Variants in ATP9B observed in about 807,000 individuals in gnomAD.
ATP9B encodes the protein probable phospholipid-transporting ATPase IIB.
In ATP9B, 110 loss-of-function variants were observed where a neutral mutation model predicts 146.1. The ratio of observed to expected loss-of-function variants is 0.75; its 90% CI spans 0.65 to 0.88. The LOEUF is 0.88. Ranked by LOEUF, ATP9B falls within the 40% of genes least tolerant of loss-of-function variation. ATP9B has a pLI of 0.00. For missense variants in ATP9B, 1,499 were observed against 1,496.4 expected (o/e 1.00, Z -0.03); for synonymous variants, 604 against 569.7 (o/e 1.06, Z -0.86).
At chr18:79,273,740 A>G (rs2145648649) in intron 12 of ATP9B, among the ~76,000 whole-genome samples, 1 of 152,326 alleles carries the variant, frequency 6.6e-6, no homozygotes, top group East Asian at 1.9e-4. Flanking sequence ...TATTTTAGGA[A>G]AACGCACTTC....
chr18:79,203,105 G>A (rs984351635), intron 9 of ATP9B, among the ~76,000 whole-genome samples: 1 of 152,204 alleles, frequency 6.6e-6, no homozygotes, highest in Non-Finnish European at 1.5e-5. Flanking sequence ...GGCATCTTCA[G>A]GCAGGAGAAC....
intron 13 of ATP9B, among the ~76,000 whole-genome samples, chr18:79,285,095 C>A (rs1226635461): frequency 6.6e-6 from 1 of 151,334 alleles, no homozygotes; most frequent in African/African-American, 2.4e-5. Context: ...GTGCATGTGT[C>A]TTTATAGCAG....
intron 11 of ATP9B, among the ~76,000 whole-genome samples, chr18:79,240,908 T>G (rs1246060149): frequency 6.6e-6 from 1 of 152,158 alleles, no homozygotes; most frequent in Non-Finnish European, 1.5e-5. Flanking sequence ...CTGCTCGGTC[T>G]CCAAGCTGCC....
intron 11 of ATP9B, among the ~76,000 whole-genome samples, chr18:79,250,558 C>T (rs1259257454): frequency 6.6e-6 from 1 of 152,164 alleles, no homozygotes; most frequent in Non-Finnish European, 1.5e-5. Context: ...TGCTCTACTT[C>T]CCTGGCTTAA....
chr18:79,223,734 A>G (rs1321628435), intron 11 of ATP9B, among the ~76,000 whole-genome samples: 1 of 152,226 alleles, frequency 6.6e-6, no homozygotes, highest in African/African-American at 2.4e-5. Flanking sequence ...GCTGCTCACA[A>G]TTAGAAGTTG....
intron 1 of ATP9B, among the ~76,000 whole-genome samples, chr18:79,084,551 A>T (rs77769938): frequency 6.6e-6 from 1 of 151,854 alleles, no homozygotes; most frequent in East Asian, 1.9e-4. Flanking sequence ...AAAAAAAAAA[A>T]TGTAAGCGTA....
intron 13 of ATP9B, among the ~76,000 whole-genome samples, chr18:79,286,110 T>G (rs991465869): frequency 6.6e-6 from 1 of 150,596 alleles, no homozygotes; most frequent in African/African-American, 2.4e-5. Flanking sequence ...GGCTCTTTTT[T>G]GGTTCCATAT....
chr18:79,170,113 C>G (rs1326784284), intron 7 of ATP9B, among the ~76,000 whole-genome samples: 1 of 152,204 alleles, frequency 6.6e-6, no homozygotes, highest in Admixed American at 6.5e-5. Flanking sequence ...GCCAGGAGCT[C>G]TGTTCTGGCT....
intron 19 of ATP9B, among the ~76,000 whole-genome samples, chr18:79,338,762 G>C (rs780508089): frequency 6.6e-6 from 1 of 152,218 alleles, no homozygotes; most frequent in Non-Finnish European, 1.5e-5. Flanking sequence ...GAAGCCGAAA[G>C]GTCAACTGCA....
intron 7 of ATP9B, among the ~76,000 whole-genome samples, chr18:79,169,493 C>T (rs1241720479): frequency 6.6e-6 from 1 of 152,172 alleles, no homozygotes; most frequent in African/African-American, 2.4e-5. Context: ...AGTCTTCACA[C>T]AGAGTTTCTG....
rs889328688 is a variant in ATP9B at position 79,227,446 on chromosome 18, G to A, written c.1107+13408G>A. 4.6e-5 allele frequency among the ~76,000 whole-genome samples: 7 copies of A among 151,188 alleles called. No individual in the cohort carries two copies. In the East Asian group the frequency reaches 1.4e-3, roughly 29 times the overall value. The stretch of plus-strand genomic sequence containing the variant: ...GGGTGGATGAGTGGGTGAATCGGAT[G>A]GATGGGTGGGTGGGTGAGTGAGTGG... On this transcript the variant is annotated intron_variant, in intron 11 of 29. Transcript: ENST00000426216.
At chr18:79,341,429 TG>T (rs1350182751) in intron 19 of ATP9B, among the ~76,000 whole-genome samples, 15 of 65,624 alleles carry the variant, frequency 2.3e-4, no homozygotes, top group African/African-American at 9.5e-4. Context: ...CATTTAGTTG[TG>T]GTTGGATGTG....
At chr18:79,093,830 G>A (rs1425579700) in intron 1 of ATP9B, among the ~76,000 whole-genome samples, 3 of 152,144 alleles carry the variant, frequency 2.0e-5, no homozygotes, top group African/African-American at 7.2e-5. Context: ...TTCACTTCAA[G>A]ACTGTTCAAC....
In ATP9B at chr18:79,330,060, G is replaced by T; in HGVS notation, c.1984G>T (p.Ala662Ser). ...ATTCTACATGAAGGGCGCTGACGTG[G>T]CCATGTCTCCTATCGTGCAGTATAA... ...ITFYMKGADV[A>S]MSPIVQYNDW... The change falls in exon 17 of 30, where the codon GCC (alanine) becomes TCC (serine). Residue 662 changes from alanine to serine, a missense_variant. Transcript: ENST00000426216. 1 of 1,614,180 alleles carries T rather than the reference G, an allele frequency of 6.2e-7. No homozygotes were observed. Among genetic ancestry groups the T allele is most frequent in the Non-Finnish European group, 8.5e-7 (1 of 1,180,012 alleles).
intron 25 of ATP9B, 111 bp downstream of exon 25, chr18:79,348,307 AT>A: frequency 2.8e-6 from 3 of 1,055,210 alleles, no homozygotes; most frequent in Non-Finnish European, 4.2e-6. Flanking sequence ...TACAGTCATC[AT>A]TTAGAATGAA....
At chr18:79,166,614 T>C (rs1396447258) in intron 7 of ATP9B, among the ~76,000 whole-genome samples, 1 of 152,174 alleles carries the variant, frequency 6.6e-6, no homozygotes, top group Non-Finnish European at 1.5e-5. Context: ...GGCAAAGTCG[T>C]GAAATCCCTG....
chr18:79,235,002 A>G (rs2095828019), intron 11 of ATP9B, among the ~76,000 whole-genome samples: 1 of 152,134 alleles, frequency 6.6e-6, no homozygotes, highest in Admixed American at 6.5e-5. Context: ...CCTCCCGAGT[A>G]GCTGGGACTA....
chr18:79,227,157 T>C (rs1003965772), intron 11 of ATP9B, among the ~76,000 whole-genome samples: 2 of 152,182 alleles, frequency 1.3e-5, no homozygotes, highest in African/African-American at 2.4e-5. Flanking sequence ...TGTCGTACTA[T>C]CATGAACCCA....
intron 8 of ATP9B, among the ~76,000 whole-genome samples, chr18:79,192,353 T>A (rs1454787924): frequency 6.6e-6 from 1 of 151,920 alleles, no homozygotes; most frequent in Non-Finnish European, 1.5e-5. Flanking sequence ...GGGGGGCGGG[T>A]CACAAGACCA....
Sources: gnomAD v4.1 joint callset for allele counts (sites outside exome capture counted in the v4.1 genomes callset) on GRCh38, gnomAD v4.1.1 for gene constraint, MANE v1.5 for transcripts, NCBI Gene and HGNC (gene_info 2026-07-23, HGNC 2026-07-21) for gene names.